SHISA9: variants seen among roughly 807,000 people sequenced by gnomAD.
The protein encoded by SHISA9 is protein shisa-9.
A neutral mutation model predicts 38.0 loss-of-function variants in SHISA9; 13 were observed. The observed-to-expected ratio is 0.34, with a 90% CI of 0.22 to 0.54. SHISA9 has a LOEUF of 0.54. Ranked by LOEUF, SHISA9 falls within the 20% of genes least tolerant of loss-of-function variation. The pLI is 0.91. For missense variants in SHISA9, 538 were observed against 575.8 expected (o/e 0.93, Z 0.67); for synonymous variants, 275 against 242.0 (o/e 1.14, Z -1.27).
chr16:13,113,532 A>G (rs2074000612), intron 2 of SHISA9, among the ~76,000 whole-genome samples: 1 of 152,226 alleles, frequency 6.6e-6, no homozygotes, highest in Non-Finnish European at 1.5e-5. Context: ...AGCCTTCTTC[A>G]GGACTTGGCA....
chr16:13,267,261 G>T, the SHISA9 span, among the ~76,000 whole-genome samples: 2 of 152,106 alleles, frequency 1.3e-5, no homozygotes, highest in Non-Finnish European at 2.9e-5. Context: ...AAAATCACAA[G>T]GAGGAATCAA....
At chr16:12,999,511 A>G (rs2072498443) in intron 2 of SHISA9, among the ~76,000 whole-genome samples, 1 of 152,212 alleles carries the variant, frequency 6.6e-6, no homozygotes, top group Non-Finnish European at 1.5e-5. Flanking sequence ...GATAATGAGA[A>G]TCTACTGTAC....
At chr16:13,497,992 GAAA>G in the SHISA9 span, among the ~76,000 whole-genome samples, 1 of 151,142 alleles carries the variant, frequency 6.6e-6, no homozygotes, top group South Asian at 2.1e-4. Flanking sequence ...GTGAGCAATA[GAAA>G]AAAAATCACA....
the SHISA9 span, among the ~76,000 whole-genome samples, chr16:13,273,485 G>T: frequency 6.6e-6 from 1 of 152,120 alleles, no homozygotes; most frequent in African/African-American, 2.4e-5. Flanking sequence ...CCCAGCACAA[G>T]CTCTCTCTCT....
At chr16:13,252,934 T>C in the SHISA9 span, among the ~76,000 whole-genome samples, 1 of 152,360 alleles carries the variant, frequency 6.6e-6, no homozygotes, top group African/African-American at 2.4e-5. Context: ...TTCTTCTGCC[T>C]GTACCACCCC....
intron 2 of SHISA9, among the ~76,000 whole-genome samples, chr16:13,169,314 G>A (rs1020575500): frequency 6.6e-6 from 1 of 152,178 alleles, no homozygotes; most frequent in South Asian, 2.1e-4. Context: ...ATTTGCGGTG[G>A]CAGAAGCTTC....
chr16:13,532,912 A>G, the SHISA9 span, among the ~76,000 whole-genome samples: 7 of 151,658 alleles, frequency 4.6e-5, no homozygotes, highest in African/African-American at 1.7e-4. Context: ...TATCCATCCA[A>G]TCCCCTCGCT....
the SHISA9 span, among the ~76,000 whole-genome samples, chr16:13,329,311 T>A: frequency 6.6e-6 from 1 of 152,138 alleles, no homozygotes; most frequent in East Asian, 1.9e-4. Context: ...CTATTAAACC[T>A]CCGCTCCTAA....
At chr16:13,187,328 C>CTTTTTTTTTTTTT (rs372286181) in intron 2 of SHISA9, among the ~76,000 whole-genome samples, 7 of 90,676 alleles carry the variant, frequency 7.7e-5, no homozygotes, top group South Asian at 4.5e-4. Flanking sequence ...CTTTTCTTTT[C>CTTTTTTTTTTTTT]TTTTTTTTTT....
chr16:13,479,740 G>A, the SHISA9 span, among the ~76,000 whole-genome samples: 13 of 152,160 alleles, frequency 8.5e-5, no homozygotes, highest in African/African-American at 2.2e-4. Flanking sequence ...CAGAAATGAC[G>A]TCATGCATCC....
chr16:13,554,868 G>C, the SHISA9 span, among the ~76,000 whole-genome samples: 5 of 152,180 alleles, frequency 3.3e-5, no homozygotes, highest in African/African-American at 1.2e-4. Flanking sequence ...TGAATCATGA[G>C]GGGCATTGCT....
chr16:13,453,987 A>T, the SHISA9 span, among the ~76,000 whole-genome samples: 1 of 152,166 alleles, frequency 6.6e-6, no homozygotes, highest in Non-Finnish European at 1.5e-5. Context: ...ATCAAATAAT[A>T]CCCTCATCTC....
the SHISA9 span, among the ~76,000 whole-genome samples, chr16:13,312,285 T>C: frequency 6.6e-6 from 1 of 152,216 alleles, no homozygotes; most frequent in African/African-American, 2.4e-5. Context: ...AAACAGACAG[T>C]GGGCCAGATG....
intron 1 of SHISA9, chr16:12,908,381 C>T: frequency 6.6e-7 from 1 of 1,512,154 alleles, no homozygotes; most frequent in Non-Finnish European, 8.8e-7. Flanking sequence ...AAAGTGTTGG[C>T]CTAAGTGGTG....
chr16:13,311,141 C>A, the SHISA9 span, among the ~76,000 whole-genome samples: 3 of 152,042 alleles, frequency 2.0e-5, no homozygotes, highest in Admixed American at 1.3e-4. Context: ...GCTTCTCTGT[C>A]TGCCTGATTC....
the SHISA9 span, among the ~76,000 whole-genome samples, chr16:13,407,851 T>C: frequency 6.6e-6 from 1 of 152,216 alleles, no homozygotes; most frequent in African/African-American, 2.4e-5. Context: ...TATTGTGTAA[T>C]TCAGTGATGT....
intron 2 of SHISA9, among the ~76,000 whole-genome samples, chr16:13,024,742 C>G (rs1221960030): frequency 6.6e-6 from 1 of 152,212 alleles, no homozygotes; most frequent in Non-Finnish European, 1.5e-5. Flanking sequence ...CCCATTTCCA[C>G]AGAGCTTCCA....
At chr16:13,533,630 T>G in the SHISA9 span, among the ~76,000 whole-genome samples, 2 of 151,806 alleles carry the variant, frequency 1.3e-5, no homozygotes, top group Non-Finnish European at 1.5e-5. Flanking sequence ...TTGGCTGGAC[T>G]GTCTATCTAA....
chr16:13,130,396 C>T (rs2050296279), intron 2 of SHISA9, among the ~76,000 whole-genome samples: 3 of 151,914 alleles, frequency 2.0e-5, no homozygotes, highest in Non-Finnish European at 1.5e-5. Flanking sequence ...TGTGCTTCAT[C>T]CCTAATTCTA....
Sources: gnomAD v4.1 joint callset for allele counts (sites outside exome capture counted in the v4.1 genomes callset) on GRCh38, gnomAD v4.1.1 for gene constraint, MANE v1.5 for transcripts, NCBI Gene and HGNC (gene_info 2026-07-23, HGNC 2026-07-21) for gene names.